The following ZNF831 variants were observed in gnomAD, a reference collection of about 807,000 sequenced individuals.
ZNF831 encodes chromosome 20 open reading frame 174.
ZNF831 carries 59 observed loss-of-function variants against 95.8 expected under a neutral mutation model. That is an observed-to-expected ratio of 0.62 (90% CI 0.50 to 0.77). The LOEUF is 0.77. ZNF831 is among the 30% of genes least tolerant of loss of function. The pLI is 0.00. For missense variants in ZNF831, 2,205 were observed against 2,164.0 expected (o/e 1.02, Z -0.38); for synonymous variants, 961 against 925.5 (o/e 1.04, Z -0.70).
chr20:59,220,476 G>A (rs902975367), intron 4 of ZNF831, among the ~76,000 whole-genome samples: 1 of 152,090 alleles, frequency 6.6e-6, no homozygotes, highest in Admixed American at 6.6e-5. Context: ...GTAACTTTAG[G>A]GGCTACAGAG....
chr20:59,160,118 G>T (rs889325458), upstream of ZNF831: 2 of 152,340 alleles, frequency 1.3e-5, no homozygotes, highest in Non-Finnish European at 2.9e-5. Context: ...CCACAGGAAC[G>T]AAAGACAGGC....
rs373788780 is a variant in ZNF831, at chr20:59,193,901, G to C, written c.2882G>C (p.Arg961Thr). The C allele has an allele frequency of 3.1e-6, 5 of 1,605,782 alleles. No homozygotes were observed. The highest frequency in any genetic ancestry group is 3.4e-6 in the Non-Finnish European group (4 of 1,175,648). Residue 961 changes from arginine (R) to threonine (T), a missense_variant, in exon 2 of 6, where the codon AGG (arginine) becomes ACG (threonine). By Grantham distance (71) the Arg-to-Thr change is moderately conservative (BLOSUM62 -1). Transcript: ENST00000371030. ...CCACTGCCCATTCCCTGGGGACCAA[G>C]GCACAGCCAGGACTCTCTCTGCAGC... ...PLPLPIPWGP[R>T]HSQDSLCSSG...
chr20:59,228,593 T>C (rs1476375013), intron 4 of ZNF831, among the ~76,000 whole-genome samples: 1 of 152,132 alleles, frequency 6.6e-6, no homozygotes, highest in Non-Finnish European at 1.5e-5. Flanking sequence ...ACTTTATGTC[T>C]TCCATCCTCC....
intron 4 of ZNF831, among the ~76,000 whole-genome samples, chr20:59,250,977 C>A (rs1405596848): frequency 1.3e-5 from 2 of 151,988 alleles, no homozygotes; most frequent in Non-Finnish European, 2.9e-5. Flanking sequence ...CAGGTAAGTT[C>A]AAGAGTTATA....
At chr20:59,164,771 A>T (rs755731773) in intron 1 of ZNF831, among the ~76,000 whole-genome samples, 1 of 152,218 alleles carries the variant, frequency 6.6e-6, no homozygotes, top group Non-Finnish European at 1.5e-5. Flanking sequence ...CTGACTTCCC[A>T]GTATCCAAAA....
Position 59,169,285 on chromosome 20 carries a change from C to T in ZNF831, c.-37+5078C>T, listed in dbSNP as rs111378474. Among the ~76,000 whole-genome samples, 337 of 152,226 alleles carry T rather than the reference C, an allele frequency of 2.2e-3. 2 individuals carry two copies. The highest frequency in any genetic ancestry group is 6.4e-3 in the African/African-American group (266 of 41,530). The stretch of plus-strand genomic sequence containing the variant: ...CCATTAGGTGGATCATGGTAGTTTG[C>T]GCTTTTTGAGGAATTGGTCCACTTC... On this transcript the variant is annotated intron_variant, in intron 1 of 5. Coordinates refer to ENST00000371030, the MANE Select transcript of ZNF831 (RefSeq NM_178457.3). The surrounding 1 kb of genome is among the most constrained non-coding windows in gnomAD (Gnocchi z 4.1).
chr20:59,182,990 A>G (rs889420073), intron 1 of ZNF831, among the ~76,000 whole-genome samples: 1 of 152,174 alleles, frequency 6.6e-6, no homozygotes, highest in Middle Eastern at 3.2e-3. Context: ...GGTAAGTTGT[A>G]ATTTCCCTTT....
chr20:59,206,690 C>A (rs1258413035), intron 3 of ZNF831, among the ~76,000 whole-genome samples: 5 of 152,230 alleles, frequency 3.3e-5, no homozygotes, highest in Non-Finnish European at 7.3e-5. Context: ...TTTGTGACCA[C>A]CTCATTTAGT....
At chr20:59,133,507 C>T (rs1250385978) in intron 1 of ZNF831, among the ~76,000 whole-genome samples, 2 of 152,216 alleles carry the variant, frequency 1.3e-5, no homozygotes, top group Non-Finnish European at 2.9e-5. Context: ...CATCTCCATG[C>T]AGAACCAGAT....
intron 2 of ZNF831, among the ~76,000 whole-genome samples, chr20:59,147,510 G>A (rs1979936610): frequency 6.6e-6 from 1 of 152,212 alleles, no homozygotes; most frequent in South Asian, 2.1e-4. Context: ...AGGGAGAATT[G>A]CAATTGTTAT....
At position 59,192,191 on chromosome 20, in the gene ZNF831, G is replaced by C; in HGVS notation, c.1172G>C (p.Gly391Ala). 1 of 1,573,374 alleles carries C rather than the reference G, an allele frequency of 6.4e-7. No individual in the cohort carries two copies. The highest frequency in any genetic ancestry group is 8.6e-7 in the Non-Finnish European group (1 of 1,161,626). Residue 391 changes from glycine (G) to alanine (A), a missense_variant, in exon 2 of 6, where the codon GGG becomes GCG. Physicochemically the swap from Gly to Ala is moderately conservative, Grantham distance 60. Coordinates refer to ENST00000371030, the MANE Select transcript of ZNF831 (RefSeq NM_178457.3). The surrounding 1 kb of genome is among the most constrained non-coding windows in gnomAD (Gnocchi z 5.2). Reference protein sequence around the residue: ...PGPGVAGAEPGAREAGLELEK... With the variant: ...PGPGVAGAEPAAREAGLELEK... ...CCAGGGGTCGCAGGGGCCGAGCCCGGGGCGCGAGAAGCCGGCCTGGAGCTG... is the reference window on the plus strand; with the variant it reads ...CCAGGGGTCGCAGGGGCCGAGCCCGCGGCGCGAGAAGCCGGCCTGGAGCTG...
At chr20:59,136,880 A>T (rs1029387275) in intron 1 of ZNF831, among the ~76,000 whole-genome samples, 60 of 152,230 alleles carry the variant, frequency 3.9e-4, no homozygotes, top group African/African-American at 1.4e-3. Flanking sequence ...GGATGGCCTG[A>T]TGACTAAATT....
rs574667969 is a variant in ZNF831 at position 59,158,333 on chromosome 20, C to T, written c.-1280-1319C>T. The stretch of plus-strand genomic sequence containing the variant: ...GATGGAGCCATCTCCGTCAATGTGA[C>T]GGGAGCATTTCCAGAAAGGGTCCAG... On this transcript the variant is annotated intron_variant, in intron 2 of 7. Transcript: ENST00000637017. 2.1e-4 allele frequency among the ~76,000 whole-genome samples: 32 copies of T among 152,284 alleles called. No homozygotes were observed. The East Asian group carries it at 3.1e-3, about 15-fold the overall frequency.
intron 2 of ZNF831, 34 bp downstream of exon 2, chr20:59,194,791 G>A (rs758911455): frequency 6.6e-7 from 1 of 1,523,836 alleles, no homozygotes; most frequent in Non-Finnish European, 8.8e-7. Context: ...GCCCGGGGTT[G>A]AGAGAGCATG....
chr20:59,197,463 G>A (rs1228857782), intron 3 of ZNF831, among the ~76,000 whole-genome samples: 1 of 152,194 alleles, frequency 6.6e-6, no homozygotes, highest in Non-Finnish European at 1.5e-5. Flanking sequence ...CTGTGTGCCA[G>A]CTAGTCGCTT....
chr20:59,153,808 T>C lies in ZNF831; in HGVS notation c.-1280-5844T>C, dbSNP rs572801773. 5.9e-5 allele frequency among the ~76,000 whole-genome samples: 9 copies of C among 152,362 alleles called. 1 individual carries two copies. The South Asian group carries it at 1.0e-3, about 18-fold the overall frequency. On this transcript the variant is annotated intron_variant, in intron 2 of 7. Coordinates refer to the ZNF831 transcript ENST00000637017. The stretch of plus-strand genomic sequence containing the variant: ...CTCCCAAAATAGCTGAGAGATTCCA[T>C]TGGACAATTGCTTACCAAGTACCTA...
rs1386312467 is a variant in ZNF831, at chr20:59,208,070, ATTCATCTTACAG to A, written c.4027+1017_4027+1028del. The stretch of plus-strand genomic sequence containing the variant: ...AGAGAGAATTTAAATCCAGGCAAGA[ATTCATCTTACAG>A]TTGGGGCCAGTTGTTGAAGAAGAAA... On this transcript the variant is annotated intron_variant, in intron 4 of 5. Transcript: ENST00000371030. This position sits in a 1 kb window ranked among gnomAD's most constrained non-coding sequence, Gnocchi z 4.2. 6.6e-6 allele frequency among the ~76,000 whole-genome samples: 1 copy of A among 152,248 alleles called. No homozygotes were observed. Among genetic ancestry groups the A allele is most frequent in the Non-Finnish European group, 1.5e-5 (1 of 68,042 alleles).
Position 59,191,850 on chromosome 20 carries a change from G to A in ZNF831, c.831G>A (p.Glu277=), listed in dbSNP as rs1412613703. 1.2e-6 allele frequency: 2 copies of A among 1,613,336 alleles called. No homozygotes were observed. The highest frequency in any genetic ancestry group is 3.3e-5 in the Admixed American group (2 of 60,030). ...CAGGGTCCGCATTTGCCGACAGAGA[G>A]GCTCCTTGGGACTCTGCCCCCATGG... ...PCPGSAFADR[E]APWDSAPMAS... is the part of the protein sequence containing the mutation. Residue 277 remains glutamate (E), a synonymous_variant, in exon 2 of 6, where the codon GAG becomes GAA. Transcript: ENST00000371030.
rs1427857088 is a variant in ZNF831 at position 59,208,092 on chromosome 20, G to A, written c.4027+1036G>A. On this transcript the variant is annotated intron_variant, in intron 4 of 5. Coordinates refer to ENST00000371030, the MANE Select transcript of ZNF831 (RefSeq NM_178457.3). This position sits in a 1 kb window ranked among gnomAD's most constrained non-coding sequence, Gnocchi z 4.2. ...AGAATTCATCTTACAGTTGGGGCCA[G>A]TTGTTGAAGAAGAAAGGTTGTTTTT... Among the ~76,000 whole-genome samples, 1 of 152,272 alleles carries A rather than the reference G, an allele frequency of 6.6e-6. No individual in the cohort carries two copies. The highest frequency in any genetic ancestry group is 1.9e-4 in the East Asian group (1 of 5,204).
Sources: gnomAD v4.1 joint callset for allele counts (sites outside exome capture counted in the v4.1 genomes callset) on GRCh38, gnomAD v4.1.1 for gene constraint, Gnocchi (gnomAD v3.1) non-coding constraint, MANE v1.5 for transcripts, NCBI Gene and HGNC (gene_info 2026-07-23, HGNC 2026-07-21) for gene names.